The following IRF2 variants were observed in gnomAD, a reference collection of about 807,000 sequenced individuals.
The protein encoded by IRF2 is interferon regulatory factor 2.
Under a neutral mutation model 40.6 loss-of-function variants are expected in IRF2, and 15 were observed. The observed-to-expected ratio is 0.37, with a 90% CI of 0.25 to 0.57. The LOEUF is 0.57. IRF2 is among the 20% of genes least tolerant of loss of function. The pLI, the probability that IRF2 is intolerant of heterozygous loss-of-function variation, is 0.77. For synonymous variants in IRF2, 151 were observed against 165.5 expected (o/e 0.91, Z 0.67); for missense variants, 317 against 455.7 (o/e 0.70, Z 2.77).
intron 1 of IRF2, chr4:184,471,800 T>C (rs34432259): frequency 0.2 from 30,974 of 152,240 alleles, 3,676 homozygotes; most frequent in South Asian, 0.32. Flanking sequence ...ATGGCACGCA[T>C]GTGTTTGCCA....
intron 6 of IRF2, among the ~76,000 whole-genome samples, chr4:184,405,220 G>A (rs930839009): frequency 1.3e-5 from 2 of 152,162 alleles, no homozygotes; most frequent in Non-Finnish European, 2.9e-5. Context: ...CTCCAGCCTG[G>A]GCAACAGAGT....
At chr4:184,455,815 T>C (rs1027319486) in intron 1 of IRF2, among the ~76,000 whole-genome samples, 1 of 152,238 alleles carries the variant, frequency 6.6e-6, no homozygotes, top group African/African-American at 2.4e-5. Flanking sequence ...AGGATGTTAA[T>C]ACACTTTTGA....
At position 184,398,664 on chromosome 4, in the gene IRF2, A is replaced by AT. The variant is rs1453231519; in HGVS notation, c.694+250_694+251insA. ...GAGCGAGACTCTGTCTCAAAAAAAA[A>AT]AAAAATAAATAAATAAATAAAAAAT... On this transcript the variant is annotated intron_variant, in intron 7 of 8. Coordinates refer to ENST00000393593, the MANE Select transcript of IRF2 (RefSeq NM_002199.4). Among the ~76,000 whole-genome samples, 133 of 150,408 alleles carry AT rather than the reference A, an allele frequency of 8.8e-4. 2 individuals carry two copies. The highest frequency in any genetic ancestry group is 2.7e-3 in the African/African-American group (112 of 41,282).
At chr4:184,455,485 G>T (rs1034475603) in intron 1 of IRF2, among the ~76,000 whole-genome samples, 1 of 150,934 alleles carries the variant, frequency 6.6e-6, no homozygotes, top group Non-Finnish European at 1.5e-5. Context: ...ACAGCTTCAG[G>T]TACTTGGCAA....
chr4:184,436,704 G>A (rs991021979), intron 1 of IRF2, among the ~76,000 whole-genome samples: 5 of 152,220 alleles, frequency 3.3e-5, no homozygotes, highest in African/African-American at 9.6e-5. Context: ...GGTTGGTATC[G>A]GCGGCCAAAG....
At chr4:184,412,430 T>C (rs957631364) in intron 5 of IRF2, among the ~76,000 whole-genome samples, 1 of 152,052 alleles carries the variant, frequency 6.6e-6, no homozygotes, top group Non-Finnish European at 1.5e-5. Context: ...GTCCCTGAAG[T>C]CCCATTTAAT....
At chr4:184,427,464 G>A (rs968299589) in intron 2 of IRF2, among the ~76,000 whole-genome samples, 1 of 152,098 alleles carries the variant, frequency 6.6e-6, no homozygotes, top group African/African-American at 2.4e-5. Context: ...GACCAGTCTG[G>A]GCAACATAGT....
intron 7 of IRF2, among the ~76,000 whole-genome samples, chr4:184,394,638 C>G (rs3756089): frequency 1.3e-5 from 2 of 151,846 alleles, no homozygotes; most frequent in Admixed American, 6.6e-5. Flanking sequence ...GCGATCTCCA[C>G]TCTCTCATTA....
intron 1 of IRF2, among the ~76,000 whole-genome samples, chr4:184,432,203 C>G (rs992720996): frequency 6.6e-6 from 1 of 152,180 alleles, no homozygotes; most frequent in African/African-American, 2.4e-5. Flanking sequence ...GAAATATATC[C>G]ACAACCCCCA....
At chr4:184,455,128 T>C (rs1455297181) in intron 1 of IRF2, among the ~76,000 whole-genome samples, 1 of 152,074 alleles carries the variant, frequency 6.6e-6, no homozygotes, top group Non-Finnish European at 1.5e-5. Flanking sequence ...GAATAAAATC[T>C]GGACTCCTGG....
At chr4:184,414,893 G>A (rs1737209559) in intron 5 of IRF2, among the ~76,000 whole-genome samples, 1 of 152,218 alleles carries the variant, frequency 6.6e-6, no homozygotes, top group Non-Finnish European at 1.5e-5. Context: ...AACCTACGTA[G>A]TGTATCCAGT....
At chr4:184,396,043 AAG>A (rs1736442447) in intron 7 of IRF2, among the ~76,000 whole-genome samples, 1 of 152,244 alleles carries the variant, frequency 6.6e-6, no homozygotes, top group Non-Finnish European at 1.5e-5. Context: ...CTAAAAAAAG[AAG>A]AGAGAAAGAA....
intron 1 of IRF2, among the ~76,000 whole-genome samples, chr4:184,453,350 C>T (rs965007005): frequency 2.6e-5 from 4 of 152,228 alleles, no homozygotes; most frequent in African/African-American, 9.6e-5. Context: ...TAGATGGCAT[C>T]AGCCTCTGCA....
At chr4:184,449,568 C>G (rs1411472531) in intron 1 of IRF2, among the ~76,000 whole-genome samples, 1 of 152,178 alleles carries the variant, frequency 6.6e-6, no homozygotes, top group Non-Finnish European at 1.5e-5. Context: ...ACGGAAGGAG[C>G]TTGCAGCCTA....
In IRF2 at chr4:184,410,279, G is replaced by A. The variant is rs568059380; in HGVS notation, c.412-2004C>T. Among the ~76,000 whole-genome samples the A allele has an allele frequency of 2.2e-4, 33 of 152,296 alleles. No individual in the cohort carries two copies. In the South Asian group the frequency reaches 4.8e-3, roughly 22 times the overall value. On this transcript the variant is annotated intron_variant, in intron 5 of 8. Transcript: ENST00000393593. ...GACAATAATAGGACCCACGTCATAG[G>A]GATAAGGTGAAGATTAAATGAGCTA... is the stretch of plus-strand genomic sequence containing the variant.
intron 7 of IRF2, among the ~76,000 whole-genome samples, chr4:184,393,302 T>C (rs893598713): frequency 1.3e-5 from 2 of 152,264 alleles, no homozygotes; most frequent in African/African-American, 4.8e-5. Context: ...CTTTCCATTT[T>C]ATGCTTAGCT....
In IRF2 at chr4:184,470,131, G is replaced by A. The variant is rs116788316; in HGVS notation, c.-7+4248C>T. On this transcript the variant is annotated intron_variant, in intron 1 of 8. Coordinates refer to ENST00000393593, the MANE Select transcript of IRF2 (RefSeq NM_002199.4). ...CTCAGGCCAAACACAGGGGGCCGAC[G>A]GGGCAGGCAGAGACCGAAGGTCCTG... Among the ~76,000 whole-genome samples, 942 of 152,246 alleles carry A rather than the reference G, an allele frequency of 6.2e-3. 6 individuals carry two copies. Among genetic ancestry groups the A allele is most frequent in the African/African-American group, 0.022 (896 of 41,534 alleles).
intron 1 of IRF2, among the ~76,000 whole-genome samples, chr4:184,442,114 G>A (rs1035513660): frequency 2.0e-5 from 3 of 152,154 alleles, no homozygotes; most frequent in Admixed American, 2.0e-4. Flanking sequence ...TGGCCCGGGT[G>A]CACAGGAAGC....
intron 2 of IRF2, among the ~76,000 whole-genome samples, chr4:184,426,592 G>T (rs1444293652): frequency 6.6e-6 from 1 of 152,168 alleles, no homozygotes; most frequent in Non-Finnish European, 1.5e-5. Context: ...TGGAGGTTAG[G>T]ATGTGGACAT....
Sources: allele counts gnomAD v4.1 joint callset (sites outside exome capture counted in the v4.1 genomes callset), GRCh38; gene constraint gnomAD v4.1.1; transcripts MANE v1.5; gene names NCBI Gene and HGNC (gene_info 2026-07-23, HGNC 2026-07-21).